Variants in PTPRN2 observed in about 807,000 individuals in gnomAD.
PTPRN2 encodes receptor-type tyrosine-protein phosphatase N2.
A neutral mutation model predicts 118.8 loss-of-function variants in PTPRN2; 74 were observed. That is an observed-to-expected ratio of 0.62 (90% CI 0.52 to 0.76). The LOEUF is 0.76. Ranked by LOEUF, PTPRN2 falls within the 30% of genes least tolerant of loss-of-function variation. The probability of loss-of-function intolerance (pLI) is 0.00; values close to 1 mark genes in which losing one functional copy is unlikely to be tolerated. For missense variants in PTPRN2, 1,481 were observed against 1,394.4 expected, an observed-to-expected ratio of 1.06 and a Z score of -0.99; for synonymous variants, 641 against 608.0, an observed-to-expected ratio of 1.05 and a Z score of -0.80.
chr7:157,775,083 C>T (rs940308015), intron 12 of PTPRN2, among the ~76,000 whole-genome samples: 2 of 152,188 alleles, frequency 1.3e-5, no homozygotes, highest in African/African-American at 4.8e-5. Context: ...GCCAGGGAGT[C>T]CCTCAGTCCT....
rs1303425411 is a variant in PTPRN2, at chr7:158,525,684, T to C, written c.113-35899A>G. ...TAAAGATCCTTTCATGCACAATGAG[T>C]ATTTATCTAATGTGCCCTCCTCATT... On this transcript the variant is annotated intron_variant, in intron 1 of 22. Coordinates refer to ENST00000389418, the MANE Select transcript of PTPRN2 (RefSeq NM_002847.5). The surrounding 1 kb of genome is among the most constrained non-coding windows in gnomAD (Gnocchi z 4.1). Among the ~76,000 whole-genome samples, 1 of 152,124 alleles carries C rather than the reference T, an allele frequency of 6.6e-6. No individual in the cohort carries two copies. The highest frequency in any genetic ancestry group is 1.5e-5 in the Non-Finnish European group (1 of 68,016).
At chr7:158,103,849 T>G (rs1020390958) in intron 10 of PTPRN2, among the ~76,000 whole-genome samples, 5 of 152,114 alleles carry the variant, frequency 3.3e-5, no homozygotes, top group Admixed American at 2.6e-4. Context: ...CTTCTGGTTC[T>G]TAGAGACAGA....
At chr7:158,464,834 AC>A (rs1819278609) in intron 2 of PTPRN2, among the ~76,000 whole-genome samples, 1 of 152,330 alleles carries the variant, frequency 6.6e-6, no homozygotes, top group Non-Finnish European at 1.5e-5. Flanking sequence ...CTTCATCATC[AC>A]CATCATCATC....
rs1260717011 is a variant in PTPRN2, at chr7:157,622,759, C to G, written c.2197-1250G>C. Reference sequence around the variant, plus strand: ...TGGCTCAGGGTGGGCACTCTAAGGCCGTCTGTTGGGAGGTCCCAGGTTGTC... The same window carrying G: ...TGGCTCAGGGTGGGCACTCTAAGGCGGTCTGTTGGGAGGTCCCAGGTTGTC... On this transcript the variant is annotated intron_variant, in intron 14 of 22. Coordinates refer to ENST00000389418, the MANE Select transcript of PTPRN2 (RefSeq NM_002847.5). This position sits in a 1 kb window ranked among gnomAD's most constrained non-coding sequence, Gnocchi z 5.3. 6.6e-6 allele frequency among the ~76,000 whole-genome samples: 1 copy of G among 152,172 alleles called. No individual in the cohort carries two copies. The highest frequency in any genetic ancestry group is 2.4e-5 in the African/African-American group (1 of 41,450).
intron 9 of PTPRN2, among the ~76,000 whole-genome samples, chr7:158,123,441 A>T (rs1817341048): frequency 1.3e-5 from 2 of 152,118 alleles, no homozygotes; most frequent in Non-Finnish European, 2.9e-5. Context: ...TCCACCCTGG[A>T]TCCCCTGCAC....
chr7:158,452,297 T>C (rs1320907867), intron 2 of PTPRN2, among the ~76,000 whole-genome samples: 1 of 152,248 alleles, frequency 6.6e-6, no homozygotes, highest in Non-Finnish European at 1.5e-5. Flanking sequence ...AAATTGTTAA[T>C]ATGCTGTTGT....
intron 3 of PTPRN2, among the ~76,000 whole-genome samples, chr7:158,275,298 G>A (rs1453331481): frequency 4.6e-5 from 7 of 152,248 alleles, no homozygotes; most frequent in African/African-American, 1.7e-4. Context: ...ACAAGCTGCA[G>A]GGCTGTCTCC....
At position 158,150,318 on chromosome 7, in the gene PTPRN2, G is replaced by T. The variant is rs373371927; in HGVS notation, c.911-11803C>A. Among the ~76,000 whole-genome samples the T allele has an allele frequency of 1.1e-4, 16 of 152,346 alleles. No homozygotes were observed. The South Asian group carries it at 3.3e-3, about 32-fold the overall frequency. On this transcript the variant is annotated intron_variant, in intron 6 of 22. Coordinates refer to ENST00000389418, the MANE Select transcript of PTPRN2 (RefSeq NM_002847.5). ...AAGGCTAACGTAACCAGAACATTCA[G>T]CTGACAAGCATGTTCCATTTCTGAG...
At position 157,590,997 on chromosome 7, in the gene PTPRN2, T is replaced by C. The variant is rs1472144329; in HGVS notation, c.2496+4241A>G. The stretch of plus-strand genomic sequence containing the variant: ...TCCATGTCCACCTGGAACCCATGAA[T>C]GTGGTCTTATTTGGAAATAGGGTCT... On this transcript the variant is annotated intron_variant, in intron 17 of 22. Coordinates refer to ENST00000389418, the MANE Select transcript of PTPRN2 (RefSeq NM_002847.5). The surrounding 1 kb of genome is among the most constrained non-coding windows in gnomAD (Gnocchi z 4.0). Among the ~76,000 whole-genome samples, 1 of 152,178 alleles carries C rather than the reference T, an allele frequency of 6.6e-6. No individual in the cohort carries two copies. Among genetic ancestry groups the C allele is most frequent in the African/African-American group, 2.4e-5 (1 of 41,442 alleles).
intron 12 of PTPRN2, among the ~76,000 whole-genome samples, chr7:157,730,253 G>A (rs1283080858): frequency 6.6e-6 from 1 of 152,150 alleles, no homozygotes; most frequent in African/African-American, 2.4e-5. Context: ...TGGAATCAGA[G>A]TTGCTCTTTA....
chr7:158,505,059 G>A (rs74895891), intron 1 of PTPRN2, among the ~76,000 whole-genome samples: 3 of 152,222 alleles, frequency 2.0e-5, no homozygotes, highest in Admixed American at 6.5e-5. Context: ...ACCCTATAGG[G>A]TTGCCGGGAA....
intron 12 of PTPRN2, among the ~76,000 whole-genome samples, chr7:157,848,535 C>G (rs1160307812): frequency 2.0e-5 from 3 of 152,272 alleles, no homozygotes; most frequent in African/African-American, 7.2e-5. Context: ...ACGGAGCCCT[C>G]TCTCATTCCG....
chr7:158,511,407 C>A (rs184184291), intron 1 of PTPRN2, among the ~76,000 whole-genome samples: 20 of 152,202 alleles, frequency 1.3e-4, no homozygotes, highest in African/African-American at 4.6e-4. Flanking sequence ...CTGTGCAGAA[C>A]TTGGAAGGGA....
At chr7:158,076,633 C>T (rs1812381680) in intron 11 of PTPRN2, among the ~76,000 whole-genome samples, 1 of 152,218 alleles carries the variant, frequency 6.6e-6, no homozygotes, top group Admixed American at 6.5e-5. Flanking sequence ...CTCTTACTGG[C>T]ATGTCCTTGG....
intron 11 of PTPRN2, among the ~76,000 whole-genome samples, chr7:158,065,397 G>A (rs775957342): frequency 3.9e-5 from 6 of 152,222 alleles, no homozygotes; most frequent in Admixed American, 6.5e-5. Context: ...AAAATGCAAC[G>A]TGCAGAATCC....
At chr7:157,748,476 T>C (rs1237348484) in intron 12 of PTPRN2, among the ~76,000 whole-genome samples, 1 of 149,808 alleles carries the variant, frequency 6.7e-6, no homozygotes, top group African/African-American at 2.5e-5. Context: ...TTCTGAGGCC[T>C]GCGTCCCTGA....
intron 2 of PTPRN2, among the ~76,000 whole-genome samples, chr7:158,425,663 G>A (rs1404633301): frequency 1.0e-4 from 3 of 28,740 alleles, no homozygotes; most frequent in African/African-American, 2.0e-4. Context: ...GGAAAGACGC[G>A]GGGTCCAAGT....
intron 14 of PTPRN2, among the ~76,000 whole-genome samples, chr7:157,628,686 G>A (rs1395775563): frequency 6.6e-6 from 1 of 152,218 alleles, no homozygotes; most frequent in Admixed American, 6.5e-5. Context: ...GTTTTGAGGG[G>A]TGATGCGTGA....
intron 3 of PTPRN2, among the ~76,000 whole-genome samples, chr7:158,212,492 T>G (rs1365248761): frequency 6.6e-6 from 1 of 152,196 alleles, no homozygotes; most frequent in Admixed American, 6.5e-5. Context: ...ATATCCCATG[T>G]ACCCCATAAA....
Sources: gnomAD v4.1 joint callset for allele counts (sites outside exome capture counted in the v4.1 genomes callset) on GRCh38, gnomAD v4.1.1 for gene constraint, Gnocchi (gnomAD v3.1) non-coding constraint, MANE v1.5 for transcripts, NCBI Gene and HGNC (gene_info 2026-07-23, HGNC 2026-07-21) for gene names.